YY1AP1: variants seen among roughly 807,000 people sequenced by gnomAD.
The protein encoded by YY1AP1 is YY1-associated protein 1.
YY1AP1 carries 43 observed loss-of-function variants against 39.9 expected under a neutral mutation model. The ratio of observed to expected loss-of-function variants is 1.08; its 90% confidence interval spans 0.84 to 1.39. The LOEUF (loss-of-function observed/expected upper bound fraction) is 1.39. Among genes scored for constraint, YY1AP1 ranks in the 40% most tolerant of loss-of-function variants. The pLI is 0.00. For missense variants in YY1AP1, 813 were observed against 900.7 expected (o/e 0.90, Z 1.25); for synonymous variants, 292 against 331.3 (o/e 0.88, Z 1.29).
chr1:155,686,585 A>G (rs1652404721), intron 2 of YY1AP1, among the ~76,000 whole-genome samples: 1 of 152,136 alleles, frequency 6.6e-6, no homozygotes, highest in Non-Finnish European at 1.5e-5. Context: ...CCATTCATTG[A>G]ATGGTTATAT....
intron 3 of YY1AP1, 196 bp from the exon 4 acceptor site, chr1:155,679,708 G>A: frequency 1.0e-6 from 1 of 985,430 alleles, no homozygotes; most frequent in Middle Eastern, 5.2e-4. Context: ...CAGGAAAGAA[G>A]TTGCTCAACC....
rs533187629 is a variant in YY1AP1 at position 155,675,780 on chromosome 1, T to A, written c.325-684A>T. 2.0e-5 allele frequency among the ~76,000 whole-genome samples: 3 copies of A among 152,266 alleles called. No homozygotes were observed. The South Asian group carries it at 6.2e-4, about 32-fold the overall frequency. The stretch of plus-strand genomic sequence containing the variant: ...GCCACCAGAGAGTCATTAACTAAGA[T>A]GTTTGCAACTTTATGACACAAATTT... On this transcript the variant is annotated intron_variant, in intron 5 of 10. Transcript: ENST00000355499.
intron 9 of YY1AP1, 151 bp downstream of exon 9, chr1:155,668,476 T>C: frequency 8.3e-7 from 1 of 1,208,114 alleles, no homozygotes; most frequent in East Asian, 2.4e-5. Context: ...TCAATGTCCC[T>C]GAAAAGGCAA....
At chr1:155,676,076 G>T (rs184070372) in intron 5 of YY1AP1, among the ~76,000 whole-genome samples, 95 of 152,230 alleles carry the variant, frequency 6.2e-4, no homozygotes, top group Admixed American at 3.4e-3. Flanking sequence ...CAAAAAATTA[G>T]CTGGGTGTGG....
chr1:155,680,444 T>C lies in YY1AP1; in HGVS notation c.-8A>G. The C allele has an allele frequency of 1.2e-6, 2 of 1,613,564 alleles. No individual in the cohort carries two copies. The highest frequency in any genetic ancestry group is 8.5e-7 in the Non-Finnish European group (1 of 1,179,626). ...TTCAAACAGATCTTCCATCAGCTCA[T>C]TTGCTTCCTTTTCTGCAAAAAAGCC... On this transcript the variant is annotated 5_prime_UTR_variant, in exon 3 of 11. An upstream start codon of the reference 5' UTR is lost. Transcript: ENST00000355499.
chr1:155,684,613 G>A (rs929221421), intron 2 of YY1AP1, among the ~76,000 whole-genome samples: 11 of 145,360 alleles, frequency 7.6e-5, no homozygotes, highest in African/African-American at 2.3e-4. Flanking sequence ...CTCTGATGCC[G>A]AGGCTAGAGT....
rs752126654 is a variant in YY1AP1, at chr1:155,660,306, C to T, written c.1604G>A (p.Gly535Glu). The T allele has an allele frequency of 6.2e-7, 1 of 1,614,146 alleles. No individual in the cohort carries two copies. The change falls in exon 11 of 11, where the codon GGA becomes GAA. Residue 535 changes from glycine (G) to glutamate (E), a missense_variant. Gly to Glu is a moderately conservative substitution (Grantham distance 98). This residue lies in a region of YY1AP1 where 586 missense variants were observed against 647.4 expected (regional missense o/e 0.91). Transcript: ENST00000355499. ...TTTGATACAGCGAAAGGCCCTGGCT[C>T]CCCTTCTTTTTGAGGGTCTCCGTCT... ...YVRRRPSKRR[G>E]ARAFRCIKPA...
chr1:155,660,118 T>C lies in YY1AP1; in HGVS notation c.1792A>G (p.Thr598Ala). 6.2e-7 allele frequency: 1 copy of C among 1,613,940 alleles called. No homozygotes were observed. The highest frequency in any genetic ancestry group is 8.5e-7 in the Non-Finnish European group (1 of 1,179,970). The change falls in exon 11 of 11, where the codon ACT becomes GCT. Residue 598 changes from threonine to alanine, a missense_variant. Thr to Ala is a moderately conservative substitution (Grantham distance 58, BLOSUM62 0). Coordinates refer to ENST00000355499, the MANE Select transcript of YY1AP1 (RefSeq NM_139119.3). ...IPIATLLVNP[T>A]SFPCPLNQPL... ...TGGTTCAATGGACAGGGGAAGGAAG[T>C]AGGGTTAACCAAGAGGGTGGCGATG... is the stretch of plus-strand genomic sequence containing the variant.
intron 6 of YY1AP1, 35 bp downstream of exon 6, chr1:155,674,975 C>G (rs1371766623): frequency 6.4e-7 from 1 of 1,561,486 alleles, no homozygotes. Context: ...ATTTTATATT[C>G]TAGTCTATAG....
chr1:155,674,261 A>T (rs1203231942), intron 6 of YY1AP1, among the ~76,000 whole-genome samples: 1 of 151,926 alleles, frequency 6.6e-6, no homozygotes, highest in African/African-American at 2.4e-5. Context: ...TCATGAATGG[A>T]TAATGAATTC....
In YY1AP1 at chr1:155,659,761, G is replaced by T; in HGVS notation, c.2149C>A (p.Gln717Lys). Residue 717 changes from glutamine to lysine, a missense_variant, in exon 11 of 11, where the codon CAG becomes AAG. Transcript: ENST00000355499. ...EGRQALEPLP[Q>K]GIQESLNNSS... ...TTGTTTAGAGACTCCTGGATGCCCT[G>T]AGGGAGCGGCTCCAGAGCTTGCCTT... 1 of 1,614,218 alleles carries T rather than the reference G, an allele frequency of 6.2e-7. No individual in the cohort carries two copies.
Position 155,676,751 on chromosome 1 carries a change from C to A in YY1AP1, c.126-5G>T. The A allele has an allele frequency of 6.2e-7, 1 of 1,613,846 alleles. No homozygotes were observed. The highest frequency in any genetic ancestry group is 8.5e-7 in the Non-Finnish European group (1 of 1,179,900). Reference sequence around the variant, plus strand: ...TTGGCCAGTAGTTCCTCAAACCTATCCCAAACGGGGATGACTGAATTTGAG... The same window carrying A: ...TTGGCCAGTAGTTCCTCAAACCTATACCAAACGGGGATGACTGAATTTGAG... On this transcript the variant is annotated splice_polypyrimidine_tract_variant and splice_region_variant and intron_variant, in intron 4 of 10. Coordinates refer to ENST00000355499, the MANE Select transcript of YY1AP1 (RefSeq NM_139119.3).
At chr1:155,661,588 C>T (rs936012018) in intron 9 of YY1AP1, among the ~76,000 whole-genome samples, 165 bp from the exon 10 acceptor site, 5 of 151,876 alleles carry the variant, frequency 3.3e-5, no homozygotes, top group Non-Finnish European at 7.4e-5. Context: ...CACACATATA[C>T]GAATAGCATA....
Position 155,659,710 on chromosome 1 carries a change from C to T in YY1AP1, c.2200G>A (p.Val734Ile), listed in dbSNP as rs752512078. ...GCATCTTCAGGTTCCATCTTGACAACTTCCTCTAAATCCCCAGGGGAAGAG... is the reference window on the plus strand; with the variant it reads ...GCATCTTCAGGTTCCATCTTGACAATTTCCTCTAAATCCCCAGGGGAAGAG... Reference protein sequence around the residue: ...NNSSPGDLEEVVKMEPEDATE... With the variant: ...NNSSPGDLEEIVKMEPEDATE... The change falls in exon 11 of 11, where the codon GTT (valine) becomes ATT (isoleucine). Residue 734 changes from valine (V) to isoleucine (I), a missense_variant. Val to Ile is a conservative substitution (Grantham distance 29, BLOSUM62 3). Transcript: ENST00000355499. The T allele has an allele frequency of 2.5e-6, 4 of 1,614,126 alleles. No individual in the cohort carries two copies. The highest frequency in any genetic ancestry group is 2.5e-6 in the Non-Finnish European group (3 of 1,180,054).
At chr1:155,670,232 T>C in intron 8 of YY1AP1, 88 bp downstream of exon 8, 1 of 1,571,206 alleles carries the variant, frequency 6.4e-7, no homozygotes, top group Non-Finnish European at 8.7e-7. Flanking sequence ...TGTCCATGTC[T>C]TATTATACAA....
intron 2 of YY1AP1, among the ~76,000 whole-genome samples, chr1:155,685,974 T>C (rs1354826693): frequency 5.9e-5 from 9 of 151,794 alleles, no homozygotes; most frequent in African/African-American, 2.2e-4. Context: ...CATGCATTCT[T>C]ACCTCATATT....
chr1:155,667,340 C>T (rs1481690860), intron 9 of YY1AP1, among the ~76,000 whole-genome samples: 1 of 151,990 alleles, frequency 6.6e-6, no homozygotes. Context: ...CCTGTCTTCA[C>T]ACAAAATAAA....
intron 7 of YY1AP1, among the ~76,000 whole-genome samples, chr1:155,671,834 A>G (rs1286505522): frequency 6.6e-6 from 1 of 152,230 alleles, no homozygotes; most frequent in Non-Finnish European, 1.5e-5. Context: ...TGTCTATGAT[A>G]TAGTACACTT....
At chr1:155,677,584 A>T (rs1173336562) in intron 4 of YY1AP1, among the ~76,000 whole-genome samples, 5 of 152,214 alleles carry the variant, frequency 3.3e-5, no homozygotes, top group African/African-American at 1.2e-4. Flanking sequence ...GGAACCCCCT[A>T]TATTACAGCA....
Sources: gnomAD v4.1 joint callset for allele counts (sites outside exome capture counted in the v4.1 genomes callset) on GRCh38, gnomAD v4.1.1 for gene constraint, gnomAD v4.1.1 regional missense constraint, MANE v1.5 for transcripts, NCBI Gene and HGNC (gene_info 2026-07-23, HGNC 2026-07-21) for gene names.